RYR1: variants seen among roughly 807,000 people sequenced by gnomAD.
RYR1 encodes ryanodine receptor 1.
In RYR1, 342 loss-of-function variants were observed where a neutral mutation model predicts 583.5. The observed-to-expected ratio is 0.59, with a 90% CI of 0.54 to 0.64. The LOEUF (loss-of-function observed/expected upper bound fraction) is 0.64, where lower values mean the gene tolerates loss of function less well. RYR1 is among the 30% of genes least tolerant of loss of function. The pLI, the probability that RYR1 is intolerant of heterozygous loss-of-function variation, is 0.00. For synonymous variants in RYR1, 2,791 were observed against 2,822.5 expected (o/e 0.99, Z 0.35); for missense variants, 6,032 against 6,917.2 (o/e 0.87, Z 4.54).
chr19:38,459,478 A>G (rs1025757928), intron 19 of RYR1, 140 bp downstream of exon 19: 32 of 793,072 alleles, frequency 4.0e-5, no homozygotes, highest in Non-Finnish European at 6.2e-5. Flanking sequence ...CAGAACCCTT[A>G]CTTGAAGATC....
At chr19:38,530,978 T>C (rs1971708404) in intron 76 of RYR1, among the ~76,000 whole-genome samples, 1 of 147,124 alleles carries the variant, frequency 6.8e-6, no homozygotes, top group Non-Finnish European at 1.5e-5. Context: ...ATTTTTCTTT[T>C]TTCTTTCTCT....
intron 63 of RYR1, among the ~76,000 whole-genome samples, chr19:38,514,114 G>A (rs549725944): frequency 1.3e-5 from 2 of 151,836 alleles, no homozygotes; most frequent in East Asian, 3.9e-4. Flanking sequence ...TCTTAACTTG[G>A]CCTTCTGGAG....
chr19:38,471,899 C>CAAAAA (rs35479919), intron 27 of RYR1, among the ~76,000 whole-genome samples: 2 of 59,990 alleles, frequency 3.3e-5, no homozygotes, highest in African/African-American at 1.1e-4. Context: ...GACTCTGTCT[C>CAAAAA]AAAAAAAAAA....
rs1456808449 is a variant in RYR1 at position 38,486,852 on chromosome 19, GATC to G, written c.5547+654_5547+656del. On this transcript the variant is annotated intron_variant, in intron 34 of 105. Coordinates refer to ENST00000359596, the MANE Select transcript of RYR1 (RefSeq NM_000540.3). ...TTCATCCTATCCATTCATGTGTATA[GATC>G]ATCTTTCCATCAACAAGATCTTTCC... is the stretch of plus-strand genomic sequence containing the variant. Among the ~76,000 whole-genome samples the G allele has an allele frequency of 7.9e-5, 12 of 152,112 alleles. No individual in the cohort carries two copies. The East Asian group carries it at 2.3e-3, about 29-fold the overall frequency.
intron 96 of RYR1, among the ~76,000 whole-genome samples, chr19:38,574,679 A>G (rs953618080): frequency 6.6e-6 from 1 of 152,090 alleles, no homozygotes; most frequent in Non-Finnish European, 1.5e-5. Context: ...CAATGAATCA[A>G]AGCACTTCAA....
chr19:38,458,021 T>C, intron 17 of RYR1, 30 bp from the exon 18 acceptor site: 1 of 1,610,920 alleles, frequency 6.2e-7, no homozygotes. Flanking sequence ...CTCTCCGTCA[T>C]CCCCCTCTCC....
intron 96 of RYR1, among the ~76,000 whole-genome samples, chr19:38,573,552 C>T (rs1022050388): frequency 2.0e-5 from 3 of 151,850 alleles, no homozygotes; most frequent in Non-Finnish European, 4.4e-5. Flanking sequence ...TGGTGGCGGG[C>T]GCCTGTAATC....
At chr19:38,475,532 C>T in intron 29 of RYR1, 82 bp downstream of exon 29, 1 of 1,558,482 alleles carries the variant, frequency 6.4e-7, no homozygotes, top group East Asian at 2.2e-5. Flanking sequence ...TGTGACAGTC[C>T]CCAGTAGCTG....
chr19:38,438,780 G>A (rs971787840), intron 1 of RYR1, among the ~76,000 whole-genome samples: 1 of 151,406 alleles, frequency 6.6e-6, no homozygotes. Context: ...CACCACACCC[G>A]GCTAATTTTT....
chr19:38,474,274 C>CTT (rs565024935), intron 28 of RYR1, among the ~76,000 whole-genome samples: 5 of 147,332 alleles, frequency 3.4e-5, no homozygotes, highest in African/African-American at 5.0e-5. Context: ...TTCTTTCTAT[C>CTT]TTTTTTTTTT....
At chr19:38,549,550 C>T (rs1972571612) in intron 89 of RYR1, among the ~76,000 whole-genome samples, 1 of 152,048 alleles carries the variant, frequency 6.6e-6, no homozygotes. Flanking sequence ...TTTAATGTTA[C>T]CATTTTGTTA....
chr19:38,586,874 G>A (rs915815276), intron 105 of RYR1, among the ~76,000 whole-genome samples: 2 of 152,190 alleles, frequency 1.3e-5, no homozygotes, highest in Non-Finnish European at 2.9e-5. Flanking sequence ...GGAAAGCTGA[G>A]GTGGGAGAAT....
chr19:38,466,352 C>T lies in RYR1; in HGVS notation c.3132C>T (p.Thr1044=). The change falls in exon 24 of 106, where the codon ACC becomes ACT. Residue 1044 remains threonine (T), a synonymous_variant. Transcript: ENST00000359596. ...ACAGCCTCTGCCAGGCCGTGCGCAC[C>T]CTCCTGGGCTACGGCTACAACATCG... ...NRDSLCQAVR[T]LLGYGYNIEP... 6.3e-7 allele frequency: 1 copy of T among 1,586,480 alleles called. No individual in the cohort carries two copies. The highest frequency in any genetic ancestry group is 8.6e-7 in the Non-Finnish European group (1 of 1,168,594).
chr19:38,575,236 C>T (rs539147950), intron 96 of RYR1, among the ~76,000 whole-genome samples: 105 of 152,314 alleles, frequency 6.9e-4, no homozygotes, highest in Non-Finnish European at 1.3e-3. Context: ...ATCACCACGC[C>T]AGAGCCTCTT....
chr19:38,500,283 A>G lies in RYR1; in HGVS notation c.7323+267A>G, dbSNP rs1970047290. ...GAAGAGGGGTCGGGGCTGGGATTGC[A>G]GGGCACACGGAGAGGACTCAGGATG... On this transcript the variant is annotated intron_variant, in intron 45 of 105. Transcript: ENST00000359596. The surrounding 1 kb of genome is among the most constrained non-coding windows in gnomAD (Gnocchi z 5.9). 7.2e-6 allele frequency among the ~76,000 whole-genome samples: 1 copy of G among 138,666 alleles called. No individual in the cohort carries two copies. The highest frequency in any genetic ancestry group is 2.4e-4 in the South Asian group (1 of 4,172). 91.0% of individuals were successfully genotyped at this position (138,666 alleles called of 152,430 possible). A position where few individuals can be genotyped will look rare whatever the true frequency, so the allele number is the denominator to read the frequency against.
chr19:38,568,655 G>A (rs1390269963), intron 93 of RYR1, among the ~76,000 whole-genome samples: 1 of 151,644 alleles, frequency 6.6e-6, no homozygotes, highest in East Asian at 1.9e-4. Flanking sequence ...AGGATGCTGA[G>A]GCATGAGAAT....
rs2145600207 is a variant in RYR1, at chr19:38,499,665, T to C, written c.7058T>C (p.Val2353Ala). The C allele has an allele frequency of 6.3e-7, 1 of 1,599,156 alleles. No individual in the cohort carries two copies. Among genetic ancestry groups the C allele is most frequent in the East Asian group, 2.2e-5 (1 of 44,866 alleles). Reference sequence around the variant, plus strand: ...AGCGTGGAGGAGAACGCCAATGTGGTGGTGCGGCTGCTCATCCGGAAGCCT... The same window carrying C: ...AGCGTGGAGGAGAACGCCAATGTGGCGGTGCGGCTGCTCATCCGGAAGCCT... ...GESVEENANV[V>A]VRLLIRKPEC... Residue 2353 changes from valine (V) to alanine (A), a missense_variant, in exon 44 of 106, where the codon GTG becomes GCG. Physicochemically the swap from Val to Ala is moderately conservative, Grantham distance 64. Coordinates refer to ENST00000359596, the MANE Select transcript of RYR1 (RefSeq NM_000540.3). The surrounding 1 kb of genome is among the most constrained non-coding windows in gnomAD (Gnocchi z 7.3).
intron 31 of RYR1, 30 bp downstream of exon 31, chr19:38,478,630 A>G: frequency 2.5e-6 from 4 of 1,604,168 alleles, no homozygotes; most frequent in Middle Eastern, 1.7e-4. Context: ...ATTTAGCGAG[A>G]GCATCATGTC....
At chr19:38,438,616 C>CTTTTTTTTTTTTTTTTTTTTTT (rs71165544) in intron 1 of RYR1, among the ~76,000 whole-genome samples, 1 of 93,964 alleles carries the variant, frequency 1.1e-5, no homozygotes, top group East Asian at 3.8e-4. Flanking sequence ...CCAGGCTAGT[C>CTTTTTTTTTTTTTTTTTTTTTT]TTTTTTTTTT....
Sources: gnomAD v4.1 joint callset for allele counts (sites outside exome capture counted in the v4.1 genomes callset) on GRCh38, gnomAD v4.1.1 for gene constraint, Gnocchi (gnomAD v3.1) non-coding constraint, MANE v1.5 for transcripts, NCBI Gene and HGNC (gene_info 2026-07-23, HGNC 2026-07-21) for gene names.